COX18: variants seen among roughly 807,000 people sequenced by gnomAD.
COX18 encodes the protein cytochrome c oxidase assembly factor COX18, also known as cytochrome c oxidase assembly protein COX18, mitochondrial.
COX18 carries 45 observed loss-of-function variants against 38.0 expected under a neutral mutation model. The ratio of observed to expected loss-of-function variants is 1.18; its 90% CI spans 0.93 to 1.52. COX18 has a LOEUF of 1.52. Among genes scored for constraint, COX18 ranks in the 40% most tolerant of loss-of-function variants. The probability of loss-of-function intolerance (pLI) is 0.00; values close to 1 mark genes in which losing one functional copy is unlikely to be tolerated. For missense variants in COX18, 462 were observed against 423.8 expected (o/e 1.09, Z -0.79); for synonymous variants, 177 against 169.8 (o/e 1.04, Z -0.33).
chr4:73,061,986 A>G, intron 4 of COX18, 66 bp from the exon 5 acceptor site: 1 of 847,698 alleles, frequency 1.2e-6, no homozygotes, highest in Non-Finnish European at 1.9e-6. Context: ...GACAAGCTTT[A>G]AAATATAAAC....
chr4:73,065,171 GCTT>G, intron 3 of COX18, 76 bp downstream of exon 3: 1 of 914,636 alleles, frequency 1.1e-6, no homozygotes, highest in Non-Finnish European at 1.6e-6. Flanking sequence ...TGAAAAGTAT[GCTT>G]TTTTTTTTTT....
In COX18 at chr4:73,058,169, G is replaced by A; in HGVS notation, c.950C>T (p.Thr317Ile). 3 of 1,612,914 alleles carry A rather than the reference G, an allele frequency of 1.9e-6. No homozygotes were observed. Among genetic ancestry groups the A allele is most frequent in the Non-Finnish European group, 2.5e-6 (3 of 1,179,396 alleles). The change falls in exon 6 of 6, where the codon ACT becomes ATT. Residue 317 changes from threonine (T) to isoleucine (I), a missense_variant. By Grantham distance (89) the Thr-to-Ile change is moderately conservative. Transcript: ENST00000507544. ...GGCAGCAAATATGTCTTTATAAGGA[G>A]TTTCTGAATCTGACTTGGTCGATGG... The part of the protein sequence containing the change: ...RIPSTKSDSE[T>I]PYKDIFAAFN...
At position 73,069,680 on chromosome 4, in the gene COX18, G is replaced by T; in HGVS notation, c.-31C>A. ...CACCACGGCGGAGCCCAGATCCCGG[G>T]CCTCACAATCCAGCGGACATACACC... On this transcript the variant is annotated 5_prime_UTR_variant, in exon 1 of 6. Transcript: ENST00000507544. 6.5e-7 allele frequency: 1 copy of T among 1,534,110 alleles called. No homozygotes were observed. Among genetic ancestry groups the T allele is most frequent in the Non-Finnish European group, 8.7e-7 (1 of 1,144,564 alleles).
At chr4:73,069,253 T>C (rs931599069) in intron 1 of COX18, 64 bp downstream of exon 1, 42 of 1,233,682 alleles carry the variant, frequency 3.4e-5, no homozygotes, top group African/African-American at 1.5e-4. Context: ...CCTGAGTGAA[T>C]GTCGGCCTTC....
Position 73,065,369 on chromosome 4 carries a change from T to C in COX18, c.479A>G (p.Tyr160Cys). The C allele has an allele frequency of 1.2e-6, 2 of 1,613,854 alleles. No homozygotes were observed. Among genetic ancestry groups the C allele is most frequent in the South Asian group, 1.1e-5 (1 of 91,064 alleles). The stretch of plus-strand genomic sequence containing the variant: ...GAAAGGGTGGCAGTTATCTCGCACA[T>C]ATAGCTCTGAAATTAGCCTCCTCAT... ...KNMRRLISELYVRDNCHPFKA... is the reference protein window; with the variant it reads ...KNMRRLISELCVRDNCHPFKA... Residue 160 changes from tyrosine (Y) to cysteine (C), a missense_variant, in exon 3 of 6, where the codon TAT becomes TGT. Physicochemically the swap from Tyr to Cys is radical, Grantham distance 194. Coordinates refer to ENST00000507544, the MANE Select transcript of COX18 (RefSeq NM_001297732.2).
Position 73,055,996 on chromosome 4 carries a change from T to A in COX18, c.*2118A>T, listed in dbSNP as rs1355590550. On this transcript the variant is annotated 3_prime_UTR_variant, in exon 6 of 6. Coordinates refer to ENST00000507544, the MANE Select transcript of COX18 (RefSeq NM_001297732.2). ...GCAGAATTCTTACCTCTGTATGCTG[T>A]ACATTTTTTCTATTAAAAAATGTCA... 1 of 152,196 alleles carries A rather than the reference T, an allele frequency of 6.6e-6. No individual in the cohort carries two copies. The highest frequency in any genetic ancestry group is 1.5e-5 in the Non-Finnish European group (1 of 68,038). The allele number at this position is 152,196 out of a possible 1,614,324, so 9.4% of individuals were successfully genotyped here.
At chr4:73,065,662 C>A (rs1165411676) in intron 2 of COX18, among the ~76,000 whole-genome samples, 1 of 152,140 alleles carries the variant, frequency 6.6e-6, no homozygotes, top group East Asian at 1.9e-4. Context: ...GGCTTTGTCT[C>A]TGGTGGTCTT....
chr4:73,061,934 A>G lies in COX18; in HGVS notation c.724-14T>C. On this transcript the variant is annotated splice_polypyrimidine_tract_variant and intron_variant, in intron 4 of 5. Transcript: ENST00000507544. The stretch of plus-strand genomic sequence containing the variant: ...TAGAGCACAAATCTGAAGGGGTAGA[A>G]CATATACATGCATAATGATTATTAA... The G allele has an allele frequency of 7.7e-7, 1 of 1,300,386 alleles. No homozygotes were observed. The highest frequency in any genetic ancestry group is 1.1e-6 in the Non-Finnish European group (1 of 898,564). The allele number at this position is 1,300,386 out of a possible 1,614,324, so 80.6% of individuals were successfully genotyped here. A position where few individuals can be genotyped will look rare whatever the true frequency, so the allele number is the denominator to read the frequency against.
chr4:73,061,470 A>G (rs1294750681), intron 5 of COX18, among the ~76,000 whole-genome samples: 1 of 152,106 alleles, frequency 6.6e-6, no homozygotes, highest in East Asian at 1.9e-4. Context: ...GCACTTTCGG[A>G]GGCCGAGGCG....
intron 2 of COX18, 90 bp from the exon 3 acceptor site, chr4:73,065,503 TAGTTATTAGCTAA>T: frequency 8.9e-7 from 1 of 1,127,984 alleles, no homozygotes; most frequent in Non-Finnish European, 1.3e-6. Flanking sequence ...GCGCCTGCTG[TAGTTATTAGCTAA>T]AGGATTTGTA....
chr4:73,069,472 C>A lies in COX18; in HGVS notation c.178G>T (p.Ala60Ser). 6.3e-7 allele frequency: 1 copy of A among 1,591,970 alleles called. No individual in the cohort carries two copies. The highest frequency in any genetic ancestry group is 1.8e-5 in the Admixed American group (1 of 56,608). ...HANGWYEALA[A>S]SSPVRVAEEV... ...TCCGCAACCCGCACCGGCGAAGACG[C>A]GGCCAGGGCCTCGTACCAGCCGTTC... The change falls in exon 1 of 6, where the codon GCG (alanine) becomes TCG (serine). Residue 60 changes from alanine (A) to serine (S), a missense_variant. Transcript: ENST00000507544.
intron 5 of COX18, among the ~76,000 whole-genome samples, chr4:73,058,545 T>G (rs1188439627): frequency 6.6e-6 from 1 of 152,172 alleles, no homozygotes; most frequent in African/African-American, 2.4e-5. Flanking sequence ...AGGCAGAGGC[T>G]CAAGAGAGAT....
At position 73,053,766 on chromosome 4, in the gene COX18, G is replaced by C. The variant is rs544294915; in HGVS notation, c.*4348C>G. The C allele has an allele frequency of 6.6e-6, 1 of 152,320 alleles. No individual in the cohort carries two copies. The highest frequency in any genetic ancestry group is 2.4e-5 in the African/African-American group (1 of 41,554). 9.4% of individuals were successfully genotyped at this position (152,320 alleles called of 1,614,324 possible). ...GGTTATCTGTCAGGGTGGCAATTAA[G>C]AATTTTGGTTTTCCTTTGTAAGCCT... On this transcript the variant is annotated 3_prime_UTR_variant, in exon 6 of 6. Transcript: ENST00000507544.
rs892379424 is a variant in COX18, at chr4:73,069,678, G to C, written c.-29C>G. ...TGCACCACGGCGGAGCCCAGATCCC[G>C]GGCCTCACAATCCAGCGGACATACA... is the stretch of plus-strand genomic sequence containing the variant. On this transcript the variant is annotated 5_prime_UTR_variant, in exon 1 of 6. Transcript: ENST00000507544. The C allele has an allele frequency of 2.0e-6, 3 of 1,535,120 alleles. No homozygotes were observed. The highest frequency in any genetic ancestry group is 2.7e-5 in the African/African-American group (2 of 73,348).
At chr4:73,060,553 T>G (rs1376337955) in intron 5 of COX18, among the ~76,000 whole-genome samples, 1 of 152,170 alleles carries the variant, frequency 6.6e-6, no homozygotes, top group African/African-American at 2.4e-5. Context: ...AAATAGATTT[T>G]GATAGCAAAA....
In COX18 at chr4:73,069,473, G is replaced by A; in HGVS notation, c.177C>T (p.Ala59=). Residue 59 remains alanine, a synonymous_variant, in exon 1 of 6, where the codon GCC becomes GCT. Coordinates refer to ENST00000507544, the MANE Select transcript of COX18 (RefSeq NM_001297732.2). ...VHANGWYEAL[A]ASSPVRVAEE... is the part of the protein sequence containing the mutation. Reference sequence around the variant, plus strand: ...CCGCAACCCGCACCGGCGAAGACGCGGCCAGGGCCTCGTACCAGCCGTTCG... The same window carrying A: ...CCGCAACCCGCACCGGCGAAGACGCAGCCAGGGCCTCGTACCAGCCGTTCG... 1 of 1,592,514 alleles carries A rather than the reference G, an allele frequency of 6.3e-7. No individual in the cohort carries two copies. The highest frequency in any genetic ancestry group is 8.5e-7 in the Non-Finnish European group (1 of 1,170,836).
chr4:73,062,249 T>C (rs1433817862), intron 4 of COX18, among the ~76,000 whole-genome samples: 2 of 151,998 alleles, frequency 1.3e-5, no homozygotes, highest in Non-Finnish European at 2.9e-5. Context: ...TTTAAAAATC[T>C]TAACTGGCCT....
rs943634117 is a variant in COX18 at position 73,054,646 on chromosome 4, A to G, written c.*3468T>C. 1 of 152,256 alleles carries G rather than the reference A, an allele frequency of 6.6e-6. No homozygotes were observed. The highest frequency in any genetic ancestry group is 1.5e-5 in the Non-Finnish European group (1 of 68,038). The allele number at this position is 152,256 out of a possible 1,614,324, so 9.4% of individuals were successfully genotyped here. On this transcript the variant is annotated 3_prime_UTR_variant, in exon 6 of 6. Coordinates refer to ENST00000507544, the MANE Select transcript of COX18 (RefSeq NM_001297732.2). ...GAAACTAAGCACAATATACATTTGT[A>G]AAGATACAAATATACATTTTGAAAT...
intron 2 of COX18, 79 bp from the exon 3 acceptor site, chr4:73,065,492 A>G (rs1720405771): frequency 2.4e-6 from 3 of 1,250,678 alleles, no homozygotes; most frequent in Non-Finnish European, 2.3e-6. Flanking sequence ...TAGCACAAAT[A>G]GCGCCTGCTG....
Sources: allele counts gnomAD v4.1 joint callset (sites outside exome capture counted in the v4.1 genomes callset), GRCh38; gene constraint gnomAD v4.1.1; transcripts MANE v1.5; gene names NCBI Gene and HGNC (gene_info 2026-07-23, HGNC 2026-07-21).